MALRD1: variants seen among roughly 807,000 people sequenced by gnomAD.
MALRD1 encodes the protein MAM and LDL-receptor class A domain-containing protein 1.
MALRD1 carries 247 observed loss-of-function variants against 242.1 expected under a neutral mutation model. That is an observed-to-expected ratio of 1.02 (90% CI 0.92 to 1.13). The LOEUF (loss-of-function observed/expected upper bound fraction) is 1.13. Among genes scored for constraint, MALRD1 ranks in the 50% most tolerant of loss-of-function variants. The pLI, the probability that MALRD1 is intolerant of heterozygous loss-of-function variation, is 0.00. For missense variants in MALRD1, 2,989 were observed against 2,533.1 expected (o/e 1.18, Z -3.86); for synonymous variants, 995 against 866.6 (o/e 1.15, Z -2.60).
intron 30 of MALRD1, among the ~76,000 whole-genome samples, chr10:19,493,664 A>T (rs1347048803): frequency 2.2e-5 from 3 of 136,116 alleles, no homozygotes; most frequent in African/African-American, 6.9e-5. Flanking sequence ...AAAAAAAAAA[A>T]TTAGCCGTTC....
At chr10:19,272,840 G>T (rs964227303) in intron 19 of MALRD1, among the ~76,000 whole-genome samples, 1 of 152,210 alleles carries the variant, frequency 6.6e-6, no homozygotes, top group Non-Finnish European at 1.5e-5. Flanking sequence ...CTTCATCCAC[G>T]TCCCTGCAAA....
intron 36 of MALRD1, among the ~76,000 whole-genome samples, chr10:19,658,514 C>G (rs976927109): frequency 6.6e-6 from 1 of 152,106 alleles, no homozygotes; most frequent in African/African-American, 2.4e-5. Context: ...CACATACACA[C>G]AAACACACAC....
chr10:19,158,981 A>G (rs559500792), intron 12 of MALRD1, among the ~76,000 whole-genome samples: 1 of 152,328 alleles, frequency 6.6e-6, no homozygotes, highest in South Asian at 2.1e-4. Context: ...TAATCCAAAG[A>G]TCAATGTTAG....
rs369812499 is a variant in MALRD1, at chr10:19,253,774, C to T, written c.2992-3910C>T. On this transcript the variant is annotated intron_variant, in intron 18 of 39. Coordinates refer to ENST00000454679, the MANE Select transcript of MALRD1 (RefSeq NM_001142308.3). ...TCCATTTCCTGATATAGTCAATCTC[C>T]TCCTTTTACACCCCCAGCTCCTGTC... Among the ~76,000 whole-genome samples the T allele has an allele frequency of 3.3e-5, 5 of 152,094 alleles. No homozygotes were observed. In the East Asian group the frequency reaches 9.7e-4, roughly 29 times the overall value.
intron 38 of MALRD1, among the ~76,000 whole-genome samples, chr10:19,693,611 G>T (rs180899444): frequency 6.8e-4 from 104 of 152,190 alleles, no homozygotes; most frequent in African/African-American, 2.0e-3. Context: ...CCATGCTCGT[G>T]GATAGGAAAA....
intron 28 of MALRD1, among the ~76,000 whole-genome samples, chr10:19,392,278 A>G (rs1457911501): frequency 6.6e-6 from 1 of 152,116 alleles, no homozygotes; most frequent in African/African-American, 2.4e-5. Flanking sequence ...ATAGCTAAAT[A>G]CCCAGTCAGT....
chr10:19,648,535 C>G (rs1443595255), intron 36 of MALRD1, among the ~76,000 whole-genome samples: 2 of 152,108 alleles, frequency 1.3e-5, no homozygotes, highest in South Asian at 2.1e-4. Flanking sequence ...AAATGAACAA[C>G]TGAGGTCTGC....
chr10:19,419,695 T>G (rs1187380024), intron 28 of MALRD1, among the ~76,000 whole-genome samples: 3 of 152,164 alleles, frequency 2.0e-5, no homozygotes, highest in Non-Finnish European at 4.4e-5. Context: ...TCTGAAACAT[T>G]CCAGCCCAAA....
At chr10:19,128,120 T>C (rs1837339283) in intron 7 of MALRD1, 101 bp from the exon 8 acceptor site, 1 of 795,236 alleles carries the variant, frequency 1.3e-6, no homozygotes, top group African/African-American at 1.8e-5. Flanking sequence ...ATATTTGTGT[T>C]TTAAGTCTAG....
At chr10:19,554,426 A>G (rs1246320910) in intron 32 of MALRD1, among the ~76,000 whole-genome samples, 1 of 152,108 alleles carries the variant, frequency 6.6e-6, no homozygotes, top group Non-Finnish European at 1.5e-5. Flanking sequence ...CATGCGCAGG[A>G]TGTGCAGCTT....
Position 19,498,568 on chromosome 10 carries a change from T to C in MALRD1, c.5242T>C (p.Ser1748Pro). ...WTTACSLTQD[S>P]EDDLDWAIGS... ...CACAGCCTGCAGTCTTACTCAAGAC[T>C]CTGAGGATGACTTGGACTGGGCCAT... is the stretch of plus-strand genomic sequence containing the variant. The change falls in exon 31 of 40, where the codon TCT (serine) becomes CCT (proline). Residue 1748 changes from serine (S) to proline (P), a missense_variant. Transcript: ENST00000454679. 1 of 1,550,272 alleles carries C rather than the reference T, an allele frequency of 6.5e-7. No homozygotes were observed. Among genetic ancestry groups the C allele is most frequent in the South Asian group, 1.2e-5 (1 of 84,040 alleles).
intron 14 of MALRD1, among the ~76,000 whole-genome samples, chr10:19,186,810 A>C (rs1835754758): frequency 6.6e-6 from 1 of 151,960 alleles, no homozygotes. Flanking sequence ...GAAACTATTC[A>C]GTTCTTCTCT....
At chr10:19,106,582 A>ACTTTTTG (rs1191013279) in intron 5 of MALRD1, among the ~76,000 whole-genome samples, 1 of 151,588 alleles carries the variant, frequency 6.6e-6, no homozygotes, top group Admixed American at 6.6e-5. Context: ...TAAAAAAACA[A>ACTTTTTG]CTTTTTGCTT....
chr10:19,327,005 G>A (rs1189451506), intron 22 of MALRD1, among the ~76,000 whole-genome samples: 2 of 151,946 alleles, frequency 1.3e-5, no homozygotes, highest in African/African-American at 2.4e-5. Context: ...TTACATTGGG[G>A]GTACAGTACT....
chr10:19,353,578 T>G (rs924533216), intron 26 of MALRD1, among the ~76,000 whole-genome samples: 3 of 152,194 alleles, frequency 2.0e-5, no homozygotes, highest in African/African-American at 7.2e-5. Flanking sequence ...ACAGGCTCTT[T>G]GCCTGACAGG....
intron 5 of MALRD1, among the ~76,000 whole-genome samples, chr10:19,109,081 G>C (rs1174302078): frequency 6.6e-6 from 1 of 152,100 alleles, no homozygotes; most frequent in Non-Finnish European, 1.5e-5. Context: ...GTTCCATTTG[G>C]GCACAGTAGT....
chr10:19,639,027 G>C (rs1840270291), intron 36 of MALRD1, among the ~76,000 whole-genome samples: 1 of 151,944 alleles, frequency 6.6e-6, no homozygotes, highest in Admixed American at 6.6e-5. Flanking sequence ...ATCAACCAGA[G>C]CTCCCTAAGA....
chr10:19,317,895 C>T (rs1842768597), intron 21 of MALRD1, among the ~76,000 whole-genome samples: 2 of 151,966 alleles, frequency 1.3e-5, no homozygotes, highest in Non-Finnish European at 2.9e-5. Flanking sequence ...ACATTATCAC[C>T]TTGGATCCTT....
chr10:19,351,019 T>C (rs954391728), intron 25 of MALRD1, among the ~76,000 whole-genome samples: 1 of 152,218 alleles, frequency 6.6e-6, no homozygotes, highest in African/African-American at 2.4e-5. Context: ...ATTAAAGATT[T>C]CATCAGTTGG....
Sources: allele counts gnomAD v4.1 joint callset (sites outside exome capture counted in the v4.1 genomes callset), GRCh38; gene constraint gnomAD v4.1.1; transcripts MANE v1.5; gene names NCBI Gene and HGNC (gene_info 2026-07-23, HGNC 2026-07-21).